ANGPT1: variants seen among roughly 807,000 people sequenced by gnomAD.
The protein encoded by ANGPT1 is angiopoietin 1, also known as angiopoietin-1.
A neutral mutation model predicts 62.2 loss-of-function variants in ANGPT1; 17 were observed. The observed-to-expected ratio is 0.27, with a 90% CI of 0.19 to 0.41. The LOEUF is 0.41. Ranked by LOEUF, ANGPT1 falls within the 10% of genes least tolerant of loss-of-function variation. ANGPT1 has a pLI of 1.00. For synonymous variants in ANGPT1, 199 were observed against 198.9 expected (o/e 1.00, Z 0.00); for missense variants, 478 against 594.9 (o/e 0.80, Z 2.04).
chr8:107,293,811 T>C, intron 6 of ANGPT1, 125 bp downstream of exon 6: 1 of 661,882 alleles, frequency 1.5e-6, no homozygotes. Context: ...AAAATAATAC[T>C]AATGTATCAT....
intron 1 of ANGPT1, among the ~76,000 whole-genome samples, chr8:107,438,229 A>G (rs981918040): frequency 5.9e-5 from 9 of 152,092 alleles, no homozygotes; most frequent in Admixed American, 5.9e-4. Context: ...CATTATGATT[A>G]TTTCTTTTCC....
chr8:107,401,788 TG>T (rs759037415), intron 1 of ANGPT1, among the ~76,000 whole-genome samples: 1 of 152,238 alleles, frequency 6.6e-6, no homozygotes, highest in Non-Finnish European at 1.5e-5. Flanking sequence ...AGATGTGTGA[TG>T]TTTTTAGATG....
At chr8:107,494,700 C>T (rs1200775168) in intron 1 of ANGPT1, 1 of 152,180 alleles carries the variant, frequency 6.6e-6, no homozygotes, top group East Asian at 1.9e-4. Flanking sequence ...CCTTGCTTCT[C>T]ATCCTGTTCA....
intron 1 of ANGPT1, among the ~76,000 whole-genome samples, chr8:107,465,082 G>C (rs1018489328): frequency 6.6e-6 from 1 of 152,108 alleles, no homozygotes; most frequent in African/African-American, 2.4e-5. Flanking sequence ...CTCTTTGTGG[G>C]AGAAGTGGGA....
chr8:107,485,872 GT>G (rs903284361), intron 1 of ANGPT1, among the ~76,000 whole-genome samples: 7 of 152,186 alleles, frequency 4.6e-5, no homozygotes, highest in Non-Finnish European at 4.4e-5. Flanking sequence ...CTTTCTTTGT[GT>G]TTTAGAAGTT....
At chr8:107,341,307 C>T (rs1235447810) in intron 2 of ANGPT1, among the ~76,000 whole-genome samples, 2 of 151,918 alleles carry the variant, frequency 1.3e-5, no homozygotes, top group Non-Finnish European at 2.9e-5. Flanking sequence ...AACTAAAGGT[C>T]ATAATAAAGA....
At chr8:107,475,808 T>G (rs1158432844) in intron 1 of ANGPT1, among the ~76,000 whole-genome samples, 1 of 152,146 alleles carries the variant, frequency 6.6e-6, no homozygotes, top group African/African-American at 2.4e-5. Context: ...AAGAAGGCAT[T>G]TATGCAGGCA....
chr8:107,407,256 A>T (rs1267491443), intron 1 of ANGPT1, among the ~76,000 whole-genome samples: 2 of 111,614 alleles, frequency 1.8e-5, no homozygotes, highest in Non-Finnish European at 3.6e-5. Flanking sequence ...AACAGAACTC[A>T]ATGTAGACCA....
At chr8:107,346,100 G>A (rs866886680) in intron 2 of ANGPT1, among the ~76,000 whole-genome samples, 5 of 152,152 alleles carry the variant, frequency 3.3e-5, no homozygotes, top group Non-Finnish European at 5.9e-5. Context: ...ATCTGTATCA[G>A]TCATCATTGC....
In ANGPT1 at chr8:107,424,084, G is replaced by A. The variant is rs1379751885; in HGVS notation, c.297+73178C>T. ...TCAAACTCCTGGCCTCAAGTGATCC[G>A]CCCACCTCAGCTTCTCAAAGTGCTG... is the stretch of plus-strand genomic sequence containing the variant. On this transcript the variant is annotated intron_variant, in intron 1 of 8. Coordinates refer to ENST00000517746, the MANE Select transcript of ANGPT1 (RefSeq NM_001146.5). Among the ~76,000 whole-genome samples the A allele has an allele frequency of 7.9e-5, 12 of 151,170 alleles. No individual in the cohort carries two copies. The East Asian group carries it at 1.2e-3, about 15-fold the overall frequency.
rs999654840 is a variant in ANGPT1, at chr8:107,370,401, A to G, written c.298-23304T>C. Among the ~76,000 whole-genome samples the G allele has an allele frequency of 3.6e-3, 205 of 56,960 alleles. 42 individuals carry two copies. Among genetic ancestry groups the G allele is most frequent in the African/African-American group, 8.2e-3 (196 of 23,892 alleles). 37.4% of individuals were successfully genotyped at this position (56,960 alleles called of 152,430 possible). ...GAAAGAAAGAAAGAAAGAAAGAAAG[A>G]AAGAAAGAGTCAGGGTCAGTGGCTC... On this transcript the variant is annotated intron_variant, in intron 1 of 8. Transcript: ENST00000517746.
At chr8:107,280,056 T>A (rs1813964115) in intron 7 of ANGPT1, among the ~76,000 whole-genome samples, 1 of 152,050 alleles carries the variant, frequency 6.6e-6, no homozygotes, top group Admixed American at 6.6e-5. Context: ...CTTCAACTAA[T>A]CTGAAGTGGA....
intron 7 of ANGPT1, among the ~76,000 whole-genome samples, chr8:107,275,452 A>G (rs897261181): frequency 1.3e-5 from 2 of 152,118 alleles, no homozygotes; most frequent in African/African-American, 4.8e-5. Flanking sequence ...TGCCACATTT[A>G]TGTCACTTTA....
intron 1 of ANGPT1, among the ~76,000 whole-genome samples, chr8:107,474,597 G>A (rs907760699): frequency 1.3e-5 from 2 of 152,082 alleles, no homozygotes; most frequent in African/African-American, 4.8e-5. Flanking sequence ...CAATTAGGCA[G>A]GAGAAAGAAA....
intron 1 of ANGPT1, among the ~76,000 whole-genome samples, chr8:107,491,577 A>G (rs1385218342): frequency 6.6e-6 from 1 of 152,182 alleles, no homozygotes; most frequent in African/African-American, 2.4e-5. Flanking sequence ...ATCAGGGGGA[A>G]GAATTTTCTG....
At chr8:107,492,915 C>A (rs1189854218) in intron 1 of ANGPT1, among the ~76,000 whole-genome samples, 1 of 150,224 alleles carries the variant, frequency 6.7e-6, no homozygotes, top group Non-Finnish European at 1.5e-5. Context: ...CAGTAAATGG[C>A]TCCCTACTGT....
intron 4 of ANGPT1, among the ~76,000 whole-genome samples, chr8:107,317,395 A>G (rs1370032199): frequency 6.6e-6 from 1 of 152,230 alleles, no homozygotes; most frequent in Non-Finnish European, 1.5e-5. Context: ...ATCCTGCTAC[A>G]GCAGAAATGA....
At chr8:107,279,860 C>T (rs1191856361) in intron 7 of ANGPT1, among the ~76,000 whole-genome samples, 3 of 151,962 alleles carry the variant, frequency 2.0e-5, no homozygotes, top group African/African-American at 7.3e-5. Context: ...GGATAGTTAT[C>T]CAGAGTGCTA....
intron 1 of ANGPT1, among the ~76,000 whole-genome samples, chr8:107,487,830 C>A (rs924102429): frequency 6.6e-6 from 1 of 152,118 alleles, no homozygotes; most frequent in South Asian, 2.1e-4. Context: ...AGTAAAAAAA[C>A]AAGGTTAGCT....
Sources: allele counts gnomAD v4.1 joint callset (sites outside exome capture counted in the v4.1 genomes callset), GRCh38; gene constraint gnomAD v4.1.1; transcripts MANE v1.5; gene names NCBI Gene and HGNC (gene_info 2026-07-23, HGNC 2026-07-21).